The following GRID1 variants were observed in gnomAD, a reference collection of about 807,000 sequenced individuals.
The protein encoded by GRID1 is glutamate receptor ionotropic, delta-1.
In GRID1, 28 loss-of-function variants were observed where a neutral mutation model predicts 98.0. That is an observed-to-expected ratio of 0.29 (90% CI 0.21 to 0.39). The LOEUF (loss-of-function observed/expected upper bound fraction) is 0.39. Among genes scored for constraint, GRID1 ranks in the 10% least tolerant of loss-of-function variants. The probability of loss-of-function intolerance (pLI) is 1.00; values close to 1 mark genes in which losing one functional copy is unlikely to be tolerated. For synonymous variants in GRID1, 553 were observed against 538.5 expected, an observed-to-expected ratio of 1.03 and a Z score of -0.37; for missense variants, 1,111 against 1,340.5, an observed-to-expected ratio of 0.83 and a Z score of 2.67.
chr10:86,339,649 C>A (rs756123844), intron 2 of GRID1, among the ~76,000 whole-genome samples: 1 of 152,192 alleles, frequency 6.6e-6, no homozygotes, highest in Admixed American at 6.5e-5. Flanking sequence ...GAGGAACCCA[C>A]GACAGCAAAG....
chr10:85,768,965 C>G (rs1187064339), intron 8 of GRID1, among the ~76,000 whole-genome samples: 1 of 152,156 alleles, frequency 6.6e-6, no homozygotes, highest in African/African-American at 2.4e-5. Context: ...ATACTCTTTT[C>G]AGAAGATTGG....
intron 2 of GRID1, among the ~76,000 whole-genome samples, chr10:86,303,309 A>G (rs1847716120): frequency 6.6e-6 from 1 of 152,250 alleles, no homozygotes; most frequent in African/African-American, 2.4e-5. Context: ...ACACTAGTCT[A>G]TACTTCTCTG....
chr10:85,629,144 A>G (rs1564682151), intron 13 of GRID1, among the ~76,000 whole-genome samples: 1 of 152,196 alleles, frequency 6.6e-6, no homozygotes, highest in African/African-American at 2.4e-5. Context: ...AATAGTGAGG[A>G]GGACAGCAGT....
intron 4 of GRID1, among the ~76,000 whole-genome samples, chr10:86,024,823 G>A (rs1346254871): frequency 6.6e-6 from 1 of 152,180 alleles, no homozygotes; most frequent in Non-Finnish European, 1.5e-5. Flanking sequence ...CTAGCCCAGG[G>A]AAACAGTGGG....
intron 2 of GRID1, chr10:86,264,719 C>T: frequency 2.1e-6 from 1 of 484,552 alleles, no homozygotes; most frequent in Non-Finnish European, 4.3e-6. Flanking sequence ...AGCTGCAGGC[C>T]CAGCCCCTGC....
intron 3 of GRID1, among the ~76,000 whole-genome samples, chr10:86,191,391 G>C (rs1233494499): frequency 6.6e-6 from 1 of 152,202 alleles, no homozygotes; most frequent in East Asian, 1.9e-4. Context: ...TGGGATGGTG[G>C]GGTGTGACTG....
intron 8 of GRID1, among the ~76,000 whole-genome samples, chr10:85,815,958 C>A (rs1297401615): frequency 6.6e-6 from 1 of 151,710 alleles, no homozygotes; most frequent in Non-Finnish European, 1.5e-5. Context: ...CAATTAGGTA[C>A]TACTATATAT....
intron 2 of GRID1, among the ~76,000 whole-genome samples, chr10:86,208,063 G>A (rs992522193): frequency 6.6e-6 from 1 of 152,158 alleles, no homozygotes; most frequent in Non-Finnish European, 1.5e-5. Context: ...CTCAGATAAG[G>A]CTGGGAGAGA....
intron 5 of GRID1, among the ~76,000 whole-genome samples, chr10:85,873,084 C>T (rs954801513): frequency 1.3e-5 from 2 of 152,204 alleles, no homozygotes; most frequent in Admixed American, 6.5e-5. Context: ...CCTCCTGGGT[C>T]TCTTGTAGTG....
At chr10:85,820,875 G>T (rs1590247417) in intron 8 of GRID1, among the ~76,000 whole-genome samples, 1 of 152,068 alleles carries the variant, frequency 6.6e-6, no homozygotes, top group African/African-American at 2.4e-5. Flanking sequence ...TAAAAATTAA[G>T]CATCAACAAT....
intron 4 of GRID1, among the ~76,000 whole-genome samples, chr10:85,987,328 T>C (rs1471217710): frequency 7.2e-6 from 1 of 138,418 alleles, no homozygotes; most frequent in African/African-American, 2.7e-5. Context: ...CCTCCCACTC[T>C]CACTTCTTCC....
chr10:85,884,493 C>A (rs1841084090), intron 5 of GRID1, among the ~76,000 whole-genome samples: 1 of 152,164 alleles, frequency 6.6e-6, no homozygotes, highest in African/African-American at 2.4e-5. Context: ...AGCATGTGCA[C>A]TCTCCTCCAT....
At chr10:86,125,636 A>G (rs1455687422) in intron 4 of GRID1, among the ~76,000 whole-genome samples, 1 of 152,172 alleles carries the variant, frequency 6.6e-6, no homozygotes, top group African/African-American at 2.4e-5. Context: ...ATTTTTTTCA[A>G]TCAATGTTTC....
intron 4 of GRID1, among the ~76,000 whole-genome samples, chr10:85,986,472 T>A (rs185642908): frequency 6.6e-6 from 1 of 152,306 alleles, no homozygotes; most frequent in Admixed American, 6.5e-5. Flanking sequence ...ACAGGCCTGA[T>A]AGGAGGCCAG....
intron 4 of GRID1, among the ~76,000 whole-genome samples, chr10:86,080,209 C>A (rs1269509719): frequency 6.6e-6 from 1 of 151,732 alleles, no homozygotes; most frequent in Non-Finnish European, 1.5e-5. Flanking sequence ...TGGCACACAC[C>A]TGTAATCCCA....
intron 3 of GRID1, among the ~76,000 whole-genome samples, chr10:86,141,988 T>C (rs1426878576): frequency 1.3e-5 from 2 of 152,268 alleles, no homozygotes; most frequent in African/African-American, 4.8e-5. Context: ...AGTGACCCGC[T>C]TTGACTATGG....
chr10:86,364,077 G>C lies in GRID1; in HGVS notation c.99C>G (p.Asn33Lys). 1 of 1,613,854 alleles carries C rather than the reference G, an allele frequency of 6.2e-7. No individual in the cohort carries two copies. Among genetic ancestry groups the C allele is most frequent in the Non-Finnish European group, 8.5e-7 (1 of 1,179,788 alleles). ...GGAACACCCTGTCGTCCTTGGCCGC[G>C]TTCTCCTCGAAGATGGCACCTGGAG... Reference protein sequence around the residue: ...IIHIGAIFEENAAKDDRVFQL... With the variant: ...IIHIGAIFEEKAAKDDRVFQL... The change falls in exon 2 of 16, where the codon AAC becomes AAG. Residue 33 changes from asparagine to lysine, a missense_variant. Asn to Lys is a moderately conservative substitution (Grantham distance 94). Transcript: ENST00000327946.
intron 4 of GRID1, among the ~76,000 whole-genome samples, chr10:85,964,955 C>A (rs1181778581): frequency 6.6e-6 from 1 of 152,024 alleles, no homozygotes; most frequent in South Asian, 2.1e-4. Context: ...AAAAAAACAA[C>A]CCCATCAAAA....
chr10:86,286,507 C>T (rs529700140), intron 2 of GRID1, among the ~76,000 whole-genome samples: 27 of 152,300 alleles, frequency 1.8e-4, no homozygotes, highest in African/African-American at 5.8e-4. Context: ...CGTCCTCCCA[C>T]GAGTGAGGCC....
Sources: gnomAD v4.1 joint callset for allele counts (sites outside exome capture counted in the v4.1 genomes callset) on GRCh38, gnomAD v4.1.1 for gene constraint, MANE v1.5 for transcripts, NCBI Gene and HGNC (gene_info 2026-07-23, HGNC 2026-07-21) for gene names.